The following COL4A5 variants were observed in gnomAD, a reference collection of about 807,000 sequenced individuals.
COL4A5 encodes the protein collagen alpha-5(IV) chain.
In COL4A5, 26 loss-of-function variants were observed where a neutral mutation model predicts 130.2. The ratio of observed to expected loss-of-function variants is 0.20; its 90% CI spans 0.15 to 0.28. The LOEUF (loss-of-function observed/expected upper bound fraction) is 0.28. Ranked by LOEUF, COL4A5 falls within the 10% of genes least tolerant of loss-of-function variation. The pLI, the probability that COL4A5 is intolerant of heterozygous loss-of-function variation, is 1.00. For missense variants in COL4A5, 1,131 were observed against 1,344.3 expected (o/e 0.84, Z 2.48); for synonymous variants, 496 against 439.6 (o/e 1.13, Z -1.60).
intron 37 of COL4A5, among the ~76,000 whole-genome samples, chrX:108,660,341 C>T (rs780279276): frequency 1.2e-3 from 129 of 111,426 alleles, no homozygotes; most frequent in Non-Finnish European, 1.9e-3. Flanking sequence ...TACTCTTCTA[C>T]CCTCCTGTGC....
intron 1 of COL4A5, among the ~76,000 whole-genome samples, chrX:108,515,166 G>C (rs2065209861): frequency 2.7e-5 from 3 of 111,604 alleles, no homozygotes; most frequent in Admixed American, 1.9e-4. Context: ...TTAACTAATA[G>C]ATGCTCAAAA....
intron 1 of COL4A5, among the ~76,000 whole-genome samples, chrX:108,488,512 T>A (rs1026834693): frequency 8.9e-6 from 1 of 112,230 alleles, no homozygotes; most frequent in African/African-American, 3.2e-5. Context: ...TGCCAGAATG[T>A]CCTCTATAGA....
At position 108,625,710 on chromosome X, in the gene COL4A5, A is replaced by G. The variant is rs1204364089; in HGVS notation, c.3022A>G (p.Lys1008Glu). The part of the protein sequence containing the change: ...QPGLPGPPGP[K>E]GNPGLPGQPG... ...TACCAATTTGACCTTTCTAGGTCCCAAAGGTAACCCTGGTCTCCCTGGACA... is the reference window on the plus strand; with the variant it reads ...TACCAATTTGACCTTTCTAGGTCCCGAAGGTAACCCTGGTCTCCCTGGACA... The change falls in exon 35 of 53, where the codon AAA becomes GAA. Residue 1008 changes from lysine (K) to glutamate (E), a missense_variant. By Grantham distance (56) the Lys-to-Glu change is moderately conservative. Coordinates refer to ENST00000328300, the MANE Select transcript of COL4A5 (RefSeq NM_033380.3). The G allele has an allele frequency of 3.3e-6, 4 of 1,195,368 alleles. No individual in the cohort carries two copies. The African/African-American group carries it at 7.0e-5, about 21-fold the overall frequency.
chrX:108,554,052 T>TA (rs1383555826), intron 2 of COL4A5, among the ~76,000 whole-genome samples: 1 of 111,645 alleles, frequency 9.0e-6, no homozygotes, highest in Non-Finnish European at 1.9e-5. Context: ...AGCAGATCTC[T>TA]AATAGCCTGG....
chrX:108,568,585 T>G (rs1196406164), intron 4 of COL4A5, 44 bp from the exon 5 acceptor site: 1 of 935,335 alleles, frequency 1.1e-6, no homozygotes, highest in Non-Finnish European at 1.5e-6. Context: ...TATTTTATTT[T>G]TATGGGTTGT....
chrX:108,631,242 G>T (rs1484027956), intron 36 of COL4A5, among the ~76,000 whole-genome samples: 1 of 111,490 alleles, frequency 9.0e-6, no homozygotes, highest in East Asian at 2.8e-4. Context: ...AAATTACCTT[G>T]GGCAGAATGG....
intron 1 of COL4A5, among the ~76,000 whole-genome samples, chrX:108,479,859 C>T (rs762388518): frequency 3.6e-5 from 4 of 111,591 alleles, no homozygotes; most frequent in Non-Finnish European, 7.5e-5. Context: ...CCGCCAAAGC[C>T]CAGTAACAGG....
chrX:108,665,611 G>C, intron 38 of COL4A5, 24 bp downstream of exon 38: 1 of 1,095,353 alleles, frequency 9.1e-7, no homozygotes, highest in Non-Finnish European at 1.3e-6. Context: ...ATAACAGTTT[G>C]CTGTTTTATA....
At chrX:108,670,065 G>T (rs1173538535) in intron 41 of COL4A5, 163 bp from the exon 42 acceptor site, 3 of 535,312 alleles carry the variant, frequency 5.6e-6, no homozygotes, top group Admixed American at 3.6e-5. Context: ...ATATACAGAT[G>T]CATGGATATG....
chrX:108,585,455 A>T (rs912609204), intron 18 of COL4A5, among the ~76,000 whole-genome samples: 6 of 112,095 alleles, frequency 5.4e-5, no homozygotes, highest in Admixed American at 2.8e-4. Flanking sequence ...TAAAATTTTA[A>T]TAAGTATCAG....
chrX:108,453,723 T>C (rs2064553843), intron 1 of COL4A5, among the ~76,000 whole-genome samples: 1 of 111,743 alleles, frequency 8.9e-6, no homozygotes, highest in Non-Finnish European at 1.9e-5. Context: ...TAACTAGTTA[T>C]TTAGTTGCAG....
At chrX:108,548,518 A>G (rs766452049) in intron 2 of COL4A5, among the ~76,000 whole-genome samples, 16 of 111,444 alleles carry the variant, frequency 1.4e-4, no homozygotes, top group Non-Finnish European at 2.6e-4. Flanking sequence ...TCCTCTAAGG[A>G]CAGGAGAGAA....
Position 108,680,743 on chromosome X carries a change from G to A in COL4A5, c.4007G>A (p.Gly1336Glu). The A allele has an allele frequency of 8.3e-7, 1 of 1,210,024 alleles. No homozygotes were observed. The highest frequency in any genetic ancestry group is 1.1e-6 in the Non-Finnish European group (1 of 894,248). ...KGDPGLPGVP[G>E]FPGMKGPSGV... ...GATCCTGGTCTCCCTGGTGTTCCAG[G>A]ATTCCCAGGTATTTGAAGGGATTTT... The change falls in exon 45 of 53, where the codon GGA (glycine) becomes GAA (glutamate). Residue 1336 changes from glycine to glutamate, a missense_variant. Coordinates refer to ENST00000328300, the MANE Select transcript of COL4A5 (RefSeq NM_033380.3).
At chrX:108,566,540 T>G (rs2065973431) in intron 4 of COL4A5, among the ~76,000 whole-genome samples, 1 of 108,549 alleles carries the variant, frequency 9.2e-6, no homozygotes, top group East Asian at 2.9e-4. Context: ...ATGTTAGGGT[T>G]TTTTTTTTTT....
intron 3 of COL4A5, among the ~76,000 whole-genome samples, chrX:108,561,374 T>C (rs991982514): frequency 1.8e-5 from 2 of 111,481 alleles, no homozygotes; most frequent in African/African-American, 6.5e-5. Flanking sequence ...AGTCTCAACC[T>C]ATCAGTTGTG....
chrX:108,674,457 T>C (rs2068266147), intron 42 of COL4A5: 2 of 247,103 alleles, frequency 8.1e-6, no homozygotes, highest in Non-Finnish European at 1.4e-5. Flanking sequence ...GTAGCAGTGT[T>C]AACATGATGT....
intron 36 of COL4A5, among the ~76,000 whole-genome samples, chrX:108,635,629 A>T (rs759328234): frequency 8.9e-6 from 1 of 112,033 alleles, no homozygotes; most frequent in South Asian, 3.7e-4. Flanking sequence ...CTTGAGAAGA[A>T]CAGATTTGGA....
At chrX:108,482,874 C>T (rs1197454252) in intron 1 of COL4A5, among the ~76,000 whole-genome samples, 1 of 111,625 alleles carries the variant, frequency 9.0e-6, no homozygotes, top group Non-Finnish European at 1.9e-5. Flanking sequence ...AACCAACTGG[C>T]TTCATTATGT....
chrX:108,533,490 C>G (rs2065413836), intron 1 of COL4A5, among the ~76,000 whole-genome samples: 1 of 111,300 alleles, frequency 9.0e-6, no homozygotes, highest in Admixed American at 9.5e-5. Context: ...GTGCATCCAA[C>G]AAAGGTCTAA....
Sources: gnomAD v4.1 joint callset for allele counts (sites outside exome capture counted in the v4.1 genomes callset) on GRCh38, gnomAD v4.1.1 for gene constraint, MANE v1.5 for transcripts, NCBI Gene and HGNC (gene_info 2026-07-23, HGNC 2026-07-21) for gene names.